Variants in MACROD2 observed in about 807,000 individuals in gnomAD.
MACROD2 encodes ADP-ribose glycohydrolase MACROD2.
MACROD2 carries 36 observed loss-of-function variants against 70.4 expected under a neutral mutation model. The observed-to-expected ratio is 0.51, with a 90% CI of 0.39 to 0.68. MACROD2 has a LOEUF of 0.68. Among genes scored for constraint, MACROD2 ranks in the 30% least tolerant of loss-of-function variants. MACROD2 has a pLI of 0.00. For missense variants in MACROD2, 496 were observed against 538.4 expected, an observed-to-expected ratio of 0.92 and a Z score of 0.78; for synonymous variants, 172 against 178.8, an observed-to-expected ratio of 0.96 and a Z score of 0.30.
chr20:15,846,911 T>A (rs1037979148), intron 8 of MACROD2, among the ~76,000 whole-genome samples: 1 of 138,102 alleles, frequency 7.2e-6, no homozygotes, highest in African/African-American at 2.7e-5. Flanking sequence ...AAAAAAAAAA[T>A]TATATATATA....
intron 4 of MACROD2, among the ~76,000 whole-genome samples, chr20:14,495,710 T>C (rs2084845782): frequency 6.6e-6 from 1 of 152,190 alleles, no homozygotes; most frequent in African/African-American, 2.4e-5. Flanking sequence ...CTCTTCTCTG[T>C]GAGAAGATTT....
chr20:15,576,926 T>C (rs910206927), intron 8 of MACROD2, among the ~76,000 whole-genome samples: 6 of 152,134 alleles, frequency 3.9e-5, no homozygotes, highest in Non-Finnish European at 2.9e-5. Context: ...GTTTTATGCA[T>C]AACGGCAGTT....
At chr20:14,778,428 C>T (rs1390907707) in intron 5 of MACROD2, among the ~76,000 whole-genome samples, 1 of 152,002 alleles carries the variant, frequency 6.6e-6, no homozygotes, top group East Asian at 1.9e-4. Flanking sequence ...TCTCTGTTCC[C>T]TTATGTTGTA....
chr20:15,695,655 C>T (rs112669617), intron 8 of MACROD2, among the ~76,000 whole-genome samples: 3,087 of 152,198 alleles, frequency 0.02, 114 homozygotes, highest in African/African-American at 0.07. Flanking sequence ...GTGATCCACC[C>T]GCCTCGGCCT....
At chr20:15,683,870 G>T (rs545313843) in intron 8 of MACROD2, among the ~76,000 whole-genome samples, 2 of 152,120 alleles carry the variant, frequency 1.3e-5, no homozygotes, top group African/African-American at 4.8e-5. Context: ...GTGAGCCATC[G>T]CGCCTGGCTG....
chr20:14,718,840 A>T (rs1359460354), intron 5 of MACROD2, among the ~76,000 whole-genome samples: 2 of 152,206 alleles, frequency 1.3e-5, no homozygotes, highest in African/African-American at 4.8e-5. Flanking sequence ...TTTTACCTAG[A>T]TTTATTCATT....
In MACROD2 at chr20:14,702,654, TATATATGTGTATATATATATACAC is replaced by T. The variant is rs1476046631; in HGVS notation, c.418+17714_418+17737del. 5.8e-4 allele frequency among the ~76,000 whole-genome samples: 45 copies of T among 77,260 alleles called. 4 individuals are homozygous for T. Among genetic ancestry groups the T allele is most frequent in the Admixed American group, 1.4e-3 (9 of 6,252 alleles). 50.7% of individuals were successfully genotyped at this position (77,260 alleles called of 152,430 possible). A position where few individuals can be genotyped will look rare whatever the true frequency, so the allele number is the denominator to read the frequency against. On this transcript the variant is annotated intron_variant, in intron 5 of 17. Coordinates refer to ENST00000684519, the MANE Select transcript of MACROD2 (RefSeq NM_001351661.2). ...ATATATATGTATATATATATACACA[TATATATGTGTATATATATATACAC>T]ATATATGTGTATATATATGTATATA...
chr20:15,604,898 C>T (rs118182544), intron 8 of MACROD2, among the ~76,000 whole-genome samples: 2,165 of 152,236 alleles, frequency 0.014, 29 homozygotes, highest in South Asian at 0.041. Context: ...CCTTCTTTCC[C>T]TTTAGCAGTT....
At chr20:15,281,138 G>A (rs903905020) in intron 6 of MACROD2, among the ~76,000 whole-genome samples, 1 of 152,196 alleles carries the variant, frequency 6.6e-6, no homozygotes. Context: ...TGGGGGAACT[G>A]CCACCATGAT....
At chr20:15,760,417 A>G (rs901372655) in intron 8 of MACROD2, among the ~76,000 whole-genome samples, 7 of 152,216 alleles carry the variant, frequency 4.6e-5, no homozygotes, top group Non-Finnish European at 1.0e-4. Flanking sequence ...GCTGAGAAAG[A>G]CACAGCTCAG....
chr20:15,592,628 A>G (rs1168848527), intron 8 of MACROD2, among the ~76,000 whole-genome samples: 1 of 152,208 alleles, frequency 6.6e-6, no homozygotes, highest in Non-Finnish European at 1.5e-5. Context: ...AGGTGGTGTG[A>G]TTCCCTCCCC....
intron 5 of MACROD2, among the ~76,000 whole-genome samples, chr20:14,903,819 A>G (rs75215411): frequency 0.018 from 2,740 of 152,240 alleles, 89 homozygotes; most frequent in African/African-American, 0.062. Flanking sequence ...CTTTCCCACT[A>G]TCAGTGTATG....
At chr20:14,970,030 A>C (rs761540734) in intron 5 of MACROD2, among the ~76,000 whole-genome samples, 1 of 152,160 alleles carries the variant, frequency 6.6e-6, no homozygotes, top group South Asian at 2.1e-4. Context: ...TCACGCTGCT[A>C]TGAAAAAATA....
intron 6 of MACROD2, among the ~76,000 whole-genome samples, chr20:15,386,543 A>G (rs1019512411): frequency 7.2e-5 from 11 of 152,170 alleles, no homozygotes; most frequent in African/African-American, 2.7e-4. Flanking sequence ...GATAGTCAGG[A>G]CCCTGGAGTC....
chr20:15,610,975 T>A (rs576286993), intron 8 of MACROD2, among the ~76,000 whole-genome samples: 1 of 143,834 alleles, frequency 7.0e-6, no homozygotes, highest in Admixed American at 6.8e-5. Context: ...TCTTTTTATG[T>A]CTTTTAGCCA....
At chr20:15,349,085 G>A (rs2078198677) in intron 6 of MACROD2, among the ~76,000 whole-genome samples, 1 of 151,976 alleles carries the variant, frequency 6.6e-6, no homozygotes, top group Non-Finnish European at 1.5e-5. Flanking sequence ...GAGAATTTTA[G>A]CATGCACCCA....
At chr20:14,002,866 A>T (rs2052752548) in intron 2 of MACROD2, among the ~76,000 whole-genome samples, 1 of 152,158 alleles carries the variant, frequency 6.6e-6, no homozygotes, top group African/African-American at 2.4e-5. Context: ...ATTTTGTATG[A>T]TGTGTTATTA....
intron 5 of MACROD2, among the ~76,000 whole-genome samples, chr20:15,151,076 C>T (rs1568603158): frequency 6.6e-6 from 1 of 151,984 alleles, no homozygotes; most frequent in South Asian, 2.1e-4. Context: ...CCGAGGCGAT[C>T]AGGCAGTGTC....
At chr20:16,042,235 C>T (rs1305524608) in intron 16 of MACROD2, among the ~76,000 whole-genome samples, 1 of 151,988 alleles carries the variant, frequency 6.6e-6, no homozygotes, top group Admixed American at 6.6e-5. Flanking sequence ...GCTTTTTACT[C>T]ATGGGCATGC....
Sources: allele counts gnomAD v4.1 joint callset (sites outside exome capture counted in the v4.1 genomes callset), GRCh38; gene constraint gnomAD v4.1.1; transcripts MANE v1.5; gene names NCBI Gene and HGNC (gene_info 2026-07-23, HGNC 2026-07-21).